The following PGCKA1 variants were observed in gnomAD, a reference collection of about 807,000 sequenced individuals.
PGCKA1 encodes the protein PDCD10 and GCKIII kinases-associated protein 1.
the PGCKA1 span, among the ~76,000 whole-genome samples, chr4:37,546,509 G>A: frequency 7.2e-5 from 11 of 152,182 alleles, no homozygotes; most frequent in Non-Finnish European, 1.2e-4. Flanking sequence ...ACCCTTTCAC[G>A]TACAATCTTT....
the PGCKA1 span, among the ~76,000 whole-genome samples, chr4:37,490,095 C>A: frequency 6.6e-6 from 1 of 152,036 alleles, no homozygotes; most frequent in Non-Finnish European, 1.5e-5. Context: ...AAATTATATT[C>A]TTTGTATCTA....
chr4:37,583,440 T>TG, the PGCKA1 span, among the ~76,000 whole-genome samples: 3 of 135,232 alleles, frequency 2.2e-5, no homozygotes, highest in Non-Finnish European at 3.0e-5. Context: ...TTTTTGTTTT[T>TG]GTTTTTTTTT....
At chr4:37,475,507 C>T in the PGCKA1 span, among the ~76,000 whole-genome samples, 1,909 of 152,178 alleles carry the variant, frequency 0.013, 60 homozygotes, top group East Asian at 0.11. Flanking sequence ...ATATCTCATT[C>T]ATGAATTAAC....
At chr4:37,456,796 G>A in the PGCKA1 span, among the ~76,000 whole-genome samples, 2 of 152,210 alleles carry the variant, frequency 1.3e-5, no homozygotes, top group Non-Finnish European at 2.9e-5. Flanking sequence ...CATGCAGGCT[G>A]CAATGAGAAT....
At chr4:37,524,718 A>G in the PGCKA1 span, among the ~76,000 whole-genome samples, 1 of 152,214 alleles carries the variant, frequency 6.6e-6, no homozygotes, top group African/African-American at 2.4e-5. Flanking sequence ...CTTATGTGAT[A>G]GTTTCTTATG....
At chr4:37,462,145 A>T in the PGCKA1 span, among the ~76,000 whole-genome samples, 3 of 150,656 alleles carry the variant, frequency 2.0e-5, no homozygotes, top group Admixed American at 1.3e-4. Context: ...TAAATTCCAA[A>T]TCTGTATGTC....
At chr4:37,462,318 T>G in the PGCKA1 span, among the ~76,000 whole-genome samples, 1 of 152,322 alleles carries the variant, frequency 6.6e-6, no homozygotes, top group Non-Finnish European at 1.5e-5. Flanking sequence ...GGAGATGTGA[T>G]TCAGCCAAAA....
chr4:37,502,005 T>C, the PGCKA1 span, among the ~76,000 whole-genome samples: 1 of 152,152 alleles, frequency 6.6e-6, no homozygotes, highest in East Asian at 1.9e-4. Flanking sequence ...AACACTCAGC[T>C]CCCATCTCCT....
chr4:37,476,839 G>A, the PGCKA1 span, among the ~76,000 whole-genome samples: 1 of 152,100 alleles, frequency 6.6e-6, no homozygotes, highest in Non-Finnish European at 1.5e-5. Context: ...ACCACAGCAG[G>A]TGTACCACTT....
At chr4:37,455,298 TCAGGAGG>T in the PGCKA1 span, among the ~76,000 whole-genome samples, 1 of 152,206 alleles carries the variant, frequency 6.6e-6, no homozygotes, top group Non-Finnish European at 1.5e-5. Flanking sequence ...TGAAACACTG[TCAGGAGG>T]CAGATAATTG....
At chr4:37,509,295 T>C in the PGCKA1 span, among the ~76,000 whole-genome samples, 1 of 77,034 alleles carries the variant, frequency 1.3e-5, no homozygotes, top group Non-Finnish European at 2.7e-5. Context: ...GGGCGGCTGC[T>C]GGGCGGAGGG....
the PGCKA1 span, among the ~76,000 whole-genome samples, chr4:37,467,023 G>A: frequency 2.6e-5 from 4 of 152,110 alleles, no homozygotes; most frequent in East Asian, 1.9e-4. Flanking sequence ...GCTTCAACCC[G>A]GGAGGCAGAG....
the PGCKA1 span, among the ~76,000 whole-genome samples, chr4:37,510,870 T>C: frequency 6.6e-6 from 1 of 151,860 alleles, no homozygotes; most frequent in East Asian, 2.0e-4. Context: ...ACCTTAGAGA[T>C]CTACCTGGTA....
At chr4:37,539,315 T>G in the PGCKA1 span, among the ~76,000 whole-genome samples, 1 of 152,208 alleles carries the variant, frequency 6.6e-6, no homozygotes, top group African/African-American at 2.4e-5. Flanking sequence ...GTGGTTCTCC[T>G]GTTCAGCCTG....
the PGCKA1 span, among the ~76,000 whole-genome samples, chr4:37,480,932 G>C: frequency 6.6e-6 from 1 of 152,220 alleles, no homozygotes; most frequent in Non-Finnish European, 1.5e-5. Flanking sequence ...TGATGCTCCT[G>C]CTCTGTCAGA....
chr4:37,514,566 T>C, the PGCKA1 span, among the ~76,000 whole-genome samples: 1 of 152,196 alleles, frequency 6.6e-6, no homozygotes, highest in African/African-American at 2.4e-5. Flanking sequence ...AAATATATTT[T>C]ATATCAACAC....
chr4:37,468,160 C>G, the PGCKA1 span, among the ~76,000 whole-genome samples: 1 of 152,150 alleles, frequency 6.6e-6, no homozygotes, highest in African/African-American at 2.4e-5. Flanking sequence ...AGTAATTTCC[C>G]ACAACTATAT....
the PGCKA1 span, among the ~76,000 whole-genome samples, chr4:37,513,695 A>G: frequency 1.3e-5 from 2 of 152,226 alleles, no homozygotes; most frequent in East Asian, 3.8e-4. Flanking sequence ...AGGACAGACA[A>G]CAAGTCATTA....
chr4:37,476,147 A>G, the PGCKA1 span, among the ~76,000 whole-genome samples: 5 of 152,282 alleles, frequency 3.3e-5, no homozygotes, highest in Non-Finnish European at 7.4e-5. Context: ...AATATGATCA[A>G]TCATTCAAGA....
Sources: gnomAD v4.1 joint callset for allele counts (sites outside exome capture counted in the v4.1 genomes callset) on GRCh38, gnomAD v4.1.1 for gene constraint, MANE v1.5 for transcripts, NCBI Gene and HGNC (gene_info 2026-07-23, HGNC 2026-07-21) for gene names.